The following ZCWPW2 variants were observed in gnomAD, a reference collection of about 807,000 sequenced individuals.
ZCWPW2 encodes zinc finger CW-type PWWP domain protein 2.
In ZCWPW2, 45 loss-of-function variants were observed where a neutral mutation model predicts 46.6. The ratio of observed to expected loss-of-function variants is 0.96; its 90% CI spans 0.76 to 1.24. The LOEUF is 1.24. Among genes scored for constraint, ZCWPW2 ranks in the 50% most tolerant of loss-of-function variants. ZCWPW2 has a pLI of 0.00. For missense variants in ZCWPW2, 429 were observed against 403.9 expected (o/e 1.06, Z -0.53); for synonymous variants, 152 against 137.1 (o/e 1.11, Z -0.76).
At chr3:28,514,708 T>C (rs1700517792) in intron 7 of ZCWPW2, among the ~76,000 whole-genome samples, 2 of 152,216 alleles carry the variant, frequency 1.3e-5, no homozygotes, top group South Asian at 4.1e-4. Flanking sequence ...TAATATCTTA[T>C]GAGCAATCAG....
intron 1 of ZCWPW2, among the ~76,000 whole-genome samples, chr3:28,367,589 T>A (rs1209713000): frequency 6.6e-6 from 1 of 152,192 alleles, no homozygotes; most frequent in Non-Finnish European, 1.5e-5. Flanking sequence ...TTGGAACAGG[T>A]GTTGTGTGGT....
Position 28,426,074 on chromosome 3 carries a change from A to C in ZCWPW2, c.333-9036A>C, listed in dbSNP as rs1418986271. Among the ~76,000 whole-genome samples, 2 of 151,866 alleles carry C rather than the reference A, an allele frequency of 1.3e-5. 1 individual carries two copies. Among genetic ancestry groups the C allele is most frequent in the African/African-American group, 4.8e-5 (2 of 41,352 alleles). The stretch of plus-strand genomic sequence containing the variant: ...CAGTGAGCCAAGATAGCCCTATTGC[A>C]CTCCTGCCTGGGCAACAAAAGCAAA... On this transcript the variant is annotated intron_variant, in intron 3 of 9. Coordinates refer to ENST00000383768, the MANE Select transcript of ZCWPW2 (RefSeq NM_001040432.4).
At position 28,436,085 on chromosome 3, in the gene ZCWPW2, T is replaced by A. The variant is rs183053543; in HGVS notation, c.492+816T>A. On this transcript the variant is annotated intron_variant, in intron 4 of 9. Transcript: ENST00000383768. Reference sequence around the variant, plus strand: ...ATTATTAGATTAGTGTAAAAGTAACTGCGATTTTGCTATTACTTTTGCACC... The same window carrying A: ...ATTATTAGATTAGTGTAAAAGTAACAGCGATTTTGCTATTACTTTTGCACC... Among the ~76,000 whole-genome samples the A allele has an allele frequency of 2.6e-5, 4 of 152,290 alleles. No individual in the cohort carries two copies. The East Asian group carries it at 7.7e-4, about 29-fold the overall frequency.
chr3:28,484,369 A>G (rs751369919), intron 5 of ZCWPW2, among the ~76,000 whole-genome samples: 2 of 152,100 alleles, frequency 1.3e-5, no homozygotes, highest in Non-Finnish European at 2.9e-5. Context: ...ATTTCTTCCT[A>G]TATGTTTGAT....
intron 1 of ZCWPW2, among the ~76,000 whole-genome samples, chr3:28,356,691 C>T (rs1287621573): frequency 6.6e-6 from 1 of 152,150 alleles, no homozygotes. Context: ...ATGATGAGTT[C>T]ATGTCCTTTG....
chr3:28,518,920 G>A (rs563953615), intron 8 of ZCWPW2, among the ~76,000 whole-genome samples: 19 of 152,238 alleles, frequency 1.2e-4, no homozygotes, highest in East Asian at 7.7e-4. Context: ...TAAAGAGGGC[G>A]TTAGTTTTAT....
intron 4 of ZCWPW2, among the ~76,000 whole-genome samples, chr3:28,470,019 A>G (rs1288770239): frequency 3.3e-5 from 5 of 152,198 alleles, no homozygotes; most frequent in Non-Finnish European, 7.3e-5. Context: ...GATAGACCAT[A>G]TGTTAGGTCA....
chr3:28,370,428 TAAAC>T (rs1168158559), intron 1 of ZCWPW2, among the ~76,000 whole-genome samples: 2 of 152,198 alleles, frequency 1.3e-5, no homozygotes, highest in African/African-American at 4.8e-5. Context: ...TGAAAATTAA[TAAAC>T]TAGCTACAAG....
chr3:28,421,834 T>TG (rs1696804171), intron 3 of ZCWPW2, among the ~76,000 whole-genome samples: 35 of 133,912 alleles, frequency 2.6e-4, no homozygotes, highest in African/African-American at 9.0e-4. Flanking sequence ...GGAGAATAGT[T>TG]TGTGTGTGTG....
In ZCWPW2 at chr3:28,459,379, A is replaced by C. The variant is rs191959082; in HGVS notation, c.493-19435A>C. On this transcript the variant is annotated intron_variant, in intron 4 of 9. Coordinates refer to ENST00000383768, the MANE Select transcript of ZCWPW2 (RefSeq NM_001040432.4). ...AGCGAGACTCTGTCTCCAAAGAAAA[A>C]AAAAAACAAAAAACAAAAAACGTAT... 3.0e-3 allele frequency among the ~76,000 whole-genome samples: 455 copies of C among 152,160 alleles called. 3 individuals carry two copies. Among genetic ancestry groups the C allele is most frequent in the African/African-American group, 0.01 (429 of 41,492 alleles).
intron 1 of ZCWPW2, among the ~76,000 whole-genome samples, chr3:28,365,732 T>C (rs1307427349): frequency 7.1e-6 from 1 of 141,300 alleles, no homozygotes; most frequent in Admixed American, 7.6e-5. Flanking sequence ...ATAAATTACC[T>C]TGGGCAGTAT....
intron 3 of ZCWPW2, among the ~76,000 whole-genome samples, chr3:28,421,326 A>C (rs774198007): frequency 2.0e-5 from 3 of 152,102 alleles, no homozygotes; most frequent in Non-Finnish European, 4.4e-5. Context: ...GGTGGTAAAA[A>C]TCTTGGCTTC....
chr3:28,477,082 A>G (rs1699262568), intron 4 of ZCWPW2, among the ~76,000 whole-genome samples: 1 of 152,216 alleles, frequency 6.6e-6, no homozygotes, highest in Non-Finnish European at 1.5e-5. Flanking sequence ...AGAATAGTGT[A>G]GGAACTGTTT....
chr3:28,461,557 TA>T (rs1366709634), intron 4 of ZCWPW2: 3 of 152,162 alleles, frequency 2.0e-5, no homozygotes. Context: ...AATTCAGGAT[TA>T]AAAAATGTAG....
At chr3:28,482,182 C>G (rs1339597212) in intron 5 of ZCWPW2, among the ~76,000 whole-genome samples, 1 of 152,136 alleles carries the variant, frequency 6.6e-6, no homozygotes, top group East Asian at 1.9e-4. Flanking sequence ...CTGGCAACTA[C>G]TGATTTTTGT....
intron 8 of ZCWPW2, among the ~76,000 whole-genome samples, chr3:28,517,030 CT>C (rs1700591430): frequency 6.6e-6 from 1 of 152,072 alleles, no homozygotes; most frequent in South Asian, 2.1e-4. Context: ...AAAATAACTT[CT>C]TTTTTTACAT....
intron 1 of ZCWPW2, among the ~76,000 whole-genome samples, chr3:28,369,050 A>G (rs1705220104): frequency 6.6e-6 from 1 of 151,888 alleles, no homozygotes. Flanking sequence ...TATTCTAGTT[A>G]GCCATTCGTC....
intron 1 of ZCWPW2, among the ~76,000 whole-genome samples, chr3:28,349,658 A>G (rs1464606345): frequency 6.6e-6 from 1 of 152,210 alleles, no homozygotes; most frequent in Non-Finnish European, 1.5e-5. Flanking sequence ...AAGTAGTTGA[A>G]TTAATTAGTC....
At chr3:28,510,427 TG>T (rs1362388390) in intron 6 of ZCWPW2, among the ~76,000 whole-genome samples, 1 of 152,238 alleles carries the variant, frequency 6.6e-6, no homozygotes, top group African/African-American at 2.4e-5. Flanking sequence ...TTTTGACTTT[TG>T]TAAATCCTCT....
Sources: allele counts gnomAD v4.1 joint callset (sites outside exome capture counted in the v4.1 genomes callset), GRCh38; gene constraint gnomAD v4.1.1; transcripts MANE v1.5; gene names NCBI Gene and HGNC (gene_info 2026-07-23, HGNC 2026-07-21).